Variants in TSPAN18 observed in about 807,000 individuals in gnomAD.
TSPAN18 encodes the protein tetraspanin-18.
A neutral mutation model predicts 27.3 loss-of-function variants in TSPAN18; 14 were observed. The observed-to-expected ratio is 0.51, with a 90% confidence interval of 0.34 to 0.80. The LOEUF (loss-of-function observed/expected upper bound fraction) is 0.80, where lower values mean the gene tolerates loss of function less well. TSPAN18 is among the 30% of genes least tolerant of loss of function. The pLI is 0.01. For synonymous variants in TSPAN18, 143 were observed against 136.5 expected (o/e 1.05, Z -0.33); for missense variants, 268 against 323.9 (o/e 0.83, Z 1.32).
At chr11:44,745,025 TGTG>T (rs1412337997) in intron 1 of TSPAN18, among the ~76,000 whole-genome samples, 1 of 152,060 alleles carries the variant, frequency 6.6e-6, no homozygotes. Context: ...GGGGAATAGA[TGTG>T]GGGAACTTTG....
chr11:44,877,477 G>A (rs563955688), intron 3 of TSPAN18, among the ~76,000 whole-genome samples: 7 of 152,200 alleles, frequency 4.6e-5, no homozygotes, highest in African/African-American at 1.4e-4. Flanking sequence ...CACAGAGAAC[G>A]TTTTCTAGAA....
chr11:44,905,713 G>A (rs1044519608), intron 3 of TSPAN18, among the ~76,000 whole-genome samples: 2 of 152,212 alleles, frequency 1.3e-5, no homozygotes, highest in African/African-American at 4.8e-5. Flanking sequence ...TGTGTTCAAT[G>A]ACTTGCTGCC....
chr11:44,750,186 G>A (rs1855179063), intron 1 of TSPAN18, among the ~76,000 whole-genome samples: 1 of 152,174 alleles, frequency 6.6e-6, no homozygotes, highest in African/African-American at 2.4e-5. Context: ...TAGCAGCATC[G>A]TTTTCCTTTT....
chr11:44,854,309 C>T (rs1252972662), intron 2 of TSPAN18, among the ~76,000 whole-genome samples: 1 of 152,036 alleles, frequency 6.6e-6, no homozygotes, highest in Non-Finnish European at 1.5e-5. Context: ...TCCCCAGCCT[C>T]ACCTGGAACA....
chr11:44,732,289 G>T (rs12278725), intron 1 of TSPAN18, among the ~76,000 whole-genome samples: 1 of 152,206 alleles, frequency 6.6e-6, no homozygotes, highest in Non-Finnish European at 1.5e-5. Flanking sequence ...GAATGCTGCC[G>T]CCCGCCAGGT....
At chr11:44,820,334 C>T (rs1407177661) in intron 2 of TSPAN18, among the ~76,000 whole-genome samples, 1 of 152,248 alleles carries the variant, frequency 6.6e-6, no homozygotes, top group Non-Finnish European at 1.5e-5. Flanking sequence ...GCCATGCCTT[C>T]TGTTGCTAAT....
intron 2 of TSPAN18, among the ~76,000 whole-genome samples, chr11:44,827,903 G>T (rs1031993746): frequency 3.9e-5 from 6 of 152,338 alleles, no homozygotes; most frequent in Admixed American, 3.9e-4. Context: ...TCCTCTGCAG[G>T]CTGGGACAGG....
intron 3 of TSPAN18, among the ~76,000 whole-genome samples, chr11:44,871,433 T>G (rs1269793211): frequency 6.6e-6 from 1 of 152,130 alleles, no homozygotes; most frequent in African/African-American, 2.4e-5. Flanking sequence ...ACATTGGGGA[T>G]GAGGGTTTCA....
At chr11:44,872,697 G>A (rs928898165) in intron 3 of TSPAN18, among the ~76,000 whole-genome samples, 2 of 152,190 alleles carry the variant, frequency 1.3e-5, no homozygotes, top group Admixed American at 1.3e-4. Flanking sequence ...AGCCTTATGA[G>A]ATCTATACTC....
intron 3 of TSPAN18, chr11:44,897,708 A>C (rs1434424088): frequency 8.1e-7 from 1 of 1,237,470 alleles, no homozygotes; most frequent in Non-Finnish European, 1.1e-6. Context: ...GCTGCTCTTT[A>C]TTGACTTCCT....
At chr11:44,887,105 T>C (rs1858682764) in intron 3 of TSPAN18, among the ~76,000 whole-genome samples, 1 of 152,236 alleles carries the variant, frequency 6.6e-6, no homozygotes, top group Non-Finnish European at 1.5e-5. Context: ...TTTTTTATTA[T>C]CTGACTTTCT....
chr11:44,918,158 C>A, intron 6 of TSPAN18, 112 bp downstream of exon 6: 2 of 1,116,326 alleles, frequency 1.8e-6, no homozygotes, highest in Non-Finnish European at 2.6e-6. Context: ...GGCAGCCTCT[C>A]ATCTGGCACT....
intron 5 of TSPAN18, among the ~76,000 whole-genome samples, chr11:44,915,171 G>T (rs958235737): frequency 6.6e-6 from 1 of 152,212 alleles, no homozygotes; most frequent in Non-Finnish European, 1.5e-5. Flanking sequence ...CCAGCCTGGG[G>T]ACCTGCCAGT....
In TSPAN18 at chr11:44,930,756, G is replaced by C; in HGVS notation, c.*1578G>C. 1 of 437,984 alleles carries C rather than the reference G, an allele frequency of 2.3e-6. No individual in the cohort carries two copies. The highest frequency in any genetic ancestry group is 4.7e-6 in the Non-Finnish European group (1 of 213,664). The allele number at this position is 437,984 out of a possible 1,614,324, so 27.1% of individuals were successfully genotyped here. A position where few individuals can be genotyped will look rare whatever the true frequency, so the allele number is the denominator to read the frequency against. On this transcript the variant is annotated 3_prime_UTR_variant, in exon 10 of 10. Transcript: ENST00000520358. Reference sequence around the variant, plus strand: ...AGACGGCAGTGCAATCCTGATGAGTGATGTCTGCCAGGCACCGTAAGTTTG... The same window carrying C: ...AGACGGCAGTGCAATCCTGATGAGTCATGTCTGCCAGGCACCGTAAGTTTG...
At chr11:44,840,441 C>G (rs1356130043) in intron 2 of TSPAN18, among the ~76,000 whole-genome samples, 1 of 152,200 alleles carries the variant, frequency 6.6e-6, no homozygotes, top group East Asian at 1.9e-4. Flanking sequence ...CTTAATACTC[C>G]TAATAGCCCT....
intron 2 of TSPAN18, among the ~76,000 whole-genome samples, chr11:44,800,634 T>C (rs1001921452): frequency 6.6e-6 from 1 of 152,192 alleles, no homozygotes; most frequent in African/African-American, 2.4e-5. Flanking sequence ...AGAGCCCCTT[T>C]CTGGGCTGTG....
At chr11:44,755,668 C>T (rs1175721209) in intron 1 of TSPAN18, among the ~76,000 whole-genome samples, 4 of 152,010 alleles carry the variant, frequency 2.6e-5, no homozygotes, top group Non-Finnish European at 5.9e-5. Flanking sequence ...GCTTTGGAGC[C>T]ATAAATTGCA....
chr11:44,905,293 C>A (rs568331623), intron 3 of TSPAN18, among the ~76,000 whole-genome samples: 1 of 152,208 alleles, frequency 6.6e-6, no homozygotes, highest in South Asian at 2.1e-4. Flanking sequence ...CATCCATCCA[C>A]ACCCCAACAC....
chr11:44,895,675 G>A (rs563601744), intron 3 of TSPAN18, among the ~76,000 whole-genome samples: 1 of 149,780 alleles, frequency 6.7e-6, no homozygotes, highest in East Asian at 2.0e-4. Flanking sequence ...GCTCCCTGGT[G>A]GGGAGGAGGC....
Sources: allele counts gnomAD v4.1 joint callset (sites outside exome capture counted in the v4.1 genomes callset), GRCh38; gene constraint gnomAD v4.1.1; transcripts MANE v1.5; gene names NCBI Gene and HGNC (gene_info 2026-07-23, HGNC 2026-07-21).